FRYL: variants seen among roughly 807,000 people sequenced by gnomAD.
FRYL encodes FRY like transcription coactivator.
A neutral mutation model predicts 351.2 loss-of-function variants in FRYL; 150 were observed. The observed-to-expected ratio is 0.43, with a 90% CI of 0.37 to 0.49. The LOEUF (loss-of-function observed/expected upper bound fraction) is 0.49. Among genes scored for constraint, FRYL ranks in the 20% least tolerant of loss-of-function variants. The pLI is 0.00. For synonymous variants in FRYL, 1,153 were observed against 1,257.1 expected (o/e 0.92, Z 1.75); for missense variants, 3,036 against 3,619.3 (o/e 0.84, Z 4.13).
intron 40 of FRYL, among the ~76,000 whole-genome samples, chr4:48,548,221 T>A (rs1345500593): frequency 6.6e-6 from 1 of 152,138 alleles, no homozygotes; most frequent in East Asian, 1.9e-4. Flanking sequence ...CCTATAAGCA[T>A]CAAATGTATT....
chr4:48,664,707 G>T (rs1393926175), intron 3 of FRYL, among the ~76,000 whole-genome samples: 1 of 152,084 alleles, frequency 6.6e-6, no homozygotes, highest in Non-Finnish European at 1.5e-5. Flanking sequence ...TTTATGAAGG[G>T]GAAAAGTGAA....
chr4:48,740,289 A>ATTTTTT (rs71191255), intron 1 of FRYL, among the ~76,000 whole-genome samples: 13 of 97,894 alleles, frequency 1.3e-4, no homozygotes, highest in Non-Finnish European at 2.1e-4. Flanking sequence ...AAACAATCTG[A>ATTTTTT]TTTTTTTTTT....
intron 1 of FRYL, among the ~76,000 whole-genome samples, chr4:48,761,608 T>A (rs761581783): frequency 6.6e-6 from 1 of 152,230 alleles, no homozygotes; most frequent in Non-Finnish European, 1.5e-5. Flanking sequence ...ATAGGTTTTT[T>A]AATCTTTTAT....
At chr4:48,622,578 A>T (rs1472202527) in intron 5 of FRYL, among the ~76,000 whole-genome samples, 2 of 152,184 alleles carry the variant, frequency 1.3e-5, no homozygotes, top group African/African-American at 4.8e-5. Flanking sequence ...TATTTCTGAG[A>T]TATATAATTT....
intron 7 of FRYL, among the ~76,000 whole-genome samples, chr4:48,612,379 A>G (rs549282334): frequency 6.6e-6 from 1 of 152,308 alleles, no homozygotes; most frequent in Admixed American, 6.5e-5. Context: ...AAATCCAAGA[A>G]GGCAGAGCAA....
At chr4:48,564,452 C>T (rs1736271053) in intron 30 of FRYL, among the ~76,000 whole-genome samples, 1 of 152,060 alleles carries the variant, frequency 6.6e-6, no homozygotes, top group South Asian at 2.1e-4. Context: ...TTTTTGATAA[C>T]CCAATAGAAA....
At chr4:48,736,806 C>T (rs1256160547) in intron 1 of FRYL, among the ~76,000 whole-genome samples, 2 of 140,228 alleles carry the variant, frequency 1.4e-5, no homozygotes, top group East Asian at 2.1e-4. Context: ...GCCAAGATCG[C>T]ACCACTGCAC....
rs144480068 is a variant in FRYL, at chr4:48,744,293, T to C, written c.-383-33595A>G. 2.8e-3 allele frequency among the ~76,000 whole-genome samples: 430 copies of C among 152,190 alleles called. 1 individual carries two copies. Among genetic ancestry groups the C allele is most frequent in the African/African-American group, 9.8e-3 (408 of 41,518 alleles). On this transcript the variant is annotated intron_variant, in intron 1 of 63. Coordinates refer to ENST00000358350, the MANE Select transcript of FRYL (RefSeq NM_015030.2). ...GTATACTTTGCAAAGGTGAATTTTATGGTATATGAATTACAGCTTAATAAA... is the reference window on the plus strand; with the variant it reads ...GTATACTTTGCAAAGGTGAATTTTACGGTATATGAATTACAGCTTAATAAA...
intron 3 of FRYL, among the ~76,000 whole-genome samples, chr4:48,676,671 G>A (rs552430420): frequency 6.6e-6 from 1 of 152,100 alleles, no homozygotes; most frequent in East Asian, 1.9e-4. Context: ...GATTACAGGC[G>A]TGAGCCACTG....
chr4:48,603,229 C>A, intron 12 of FRYL, 61 bp downstream of exon 12: 2 of 1,136,712 alleles, frequency 1.8e-6, no homozygotes, highest in South Asian at 1.4e-5. Flanking sequence ...CCACTGAATT[C>A]ATAAATCAAT....
intron 3 of FRYL, among the ~76,000 whole-genome samples, chr4:48,652,316 TA>T (rs1205475503): frequency 1.3e-5 from 2 of 152,212 alleles, no homozygotes; most frequent in Non-Finnish European, 2.9e-5. Flanking sequence ...TTACTATTTT[TA>T]AAAAAGTACA....
rs896327214 is a variant in FRYL, at chr4:48,563,081, G to C, written c.3597-93C>G. On this transcript the variant is annotated intron_variant, in intron 31 of 63. Transcript: ENST00000358350. ...TGATATGCAAAGGGCAAGGCTTATA[G>C]GCATCTATCTTCTAAGCCTATGAGG... is the stretch of plus-strand genomic sequence containing the variant. 5 of 802,434 alleles carry C rather than the reference G, an allele frequency of 6.2e-6. No individual in the cohort carries two copies. In the Admixed American group the frequency reaches 7.0e-5, roughly 11 times the overall value. 49.7% of individuals were successfully genotyped at this position (802,434 alleles called of 1,614,324 possible). A position where few individuals can be genotyped will look rare whatever the true frequency, so the allele number is the denominator to read the frequency against.
chr4:48,682,320 T>G (rs2149542834), intron 3 of FRYL, among the ~76,000 whole-genome samples: 1 of 152,238 alleles, frequency 6.6e-6, no homozygotes, highest in East Asian at 1.9e-4. Context: ...ATAAAAACCC[T>G]AGAAGAAAAC....
chr4:48,747,559 C>T (rs1366572182), intron 1 of FRYL, among the ~76,000 whole-genome samples: 1 of 152,066 alleles, frequency 6.6e-6, no homozygotes, highest in African/African-American at 2.4e-5. Flanking sequence ...ATCTCATTAA[C>T]TTGAGGAAAA....
intron 1 of FRYL, among the ~76,000 whole-genome samples, chr4:48,761,000 ACT>A (rs1491399758): frequency 2.1e-4 from 15 of 72,900 alleles, no homozygotes; most frequent in African/African-American, 8.7e-4. Context: ...CTCTATTATT[ACT>A]CTGTCTGTGT....
Position 48,557,043 on chromosome 4 carries a change from T to C in FRYL, c.4201A>G (p.Lys1401Glu), listed in dbSNP as rs776758024. The C allele has an allele frequency of 1.5e-5, 24 of 1,608,824 alleles. No homozygotes were observed. Among genetic ancestry groups the C allele is most frequent in the Non-Finnish European group, 1.2e-5 (14 of 1,177,516 alleles). ...TLADGWPKNL[K>E]IILHFLISIC... ...CTGATCAAAAAGTGCAAAATTATTT[T>C]CAGGTTTTTGGGCCAGCCATCTGCA... Residue 1401 changes from lysine to glutamate, a missense_variant, in exon 35 of 64, where the codon AAA (lysine) becomes GAA (glutamate). Lys to Glu is a moderately conservative substitution (Grantham distance 56). This residue lies in a region of FRYL where 1,987 missense variants were observed against 2,311.7 expected (regional missense o/e 0.86). Transcript: ENST00000358350.
intron 27 of FRYL, among the ~76,000 whole-genome samples, chr4:48,568,241 G>A (rs1001582214): frequency 6.6e-6 from 1 of 152,210 alleles, no homozygotes; most frequent in Non-Finnish European, 1.5e-5. Context: ...CAGAGCAAGA[G>A]CCTGTCTCAA....
intron 27 of FRYL, among the ~76,000 whole-genome samples, chr4:48,568,451 C>T (rs545981044): frequency 1.3e-5 from 2 of 152,182 alleles, no homozygotes; most frequent in Admixed American, 6.5e-5. Context: ...CTGCTATATA[C>T]GAAAAGGCCT....
intron 33 of FRYL, among the ~76,000 whole-genome samples, chr4:48,558,962 G>A (rs1373682079): frequency 6.6e-6 from 1 of 152,136 alleles, no homozygotes; most frequent in East Asian, 1.9e-4. Context: ...CTCATTAAGA[G>A]AAGTGTTTTA....
Sources: allele counts gnomAD v4.1 joint callset (sites outside exome capture counted in the v4.1 genomes callset), GRCh38; gene constraint gnomAD v4.1.1; regional missense constraint gnomAD v4.1.1; transcripts MANE v1.5; gene names NCBI Gene and HGNC (gene_info 2026-07-23, HGNC 2026-07-21).